WWC2: variants seen among roughly 807,000 people sequenced by gnomAD.
WWC2 encodes the protein protein WWC2.
In WWC2, 101 loss-of-function variants were observed where a neutral mutation model predicts 138.5. The observed-to-expected ratio is 0.73, with a 90% CI of 0.62 to 0.86. The LOEUF (loss-of-function observed/expected upper bound fraction) is 0.86, where lower values mean the gene tolerates loss of function less well. WWC2 is among the 40% of genes least tolerant of loss of function. The pLI, the probability that WWC2 is intolerant of heterozygous loss-of-function variation, is 0.00. For synonymous variants in WWC2, 558 were observed against 538.4 expected (o/e 1.04, Z -0.50); for missense variants, 1,420 against 1,419.4 (o/e 1.00, Z -0.01).
chr4:183,206,465 A>G (rs1348212734), intron 2 of WWC2, among the ~76,000 whole-genome samples: 1 of 152,178 alleles, frequency 6.6e-6, no homozygotes, highest in Non-Finnish European at 1.5e-5. Context: ...CATAGTTTTT[A>G]TGCCTTTGAA....
At chr4:183,289,969 A>G (rs1275468812) in intron 21 of WWC2, among the ~76,000 whole-genome samples, 3 of 152,034 alleles carry the variant, frequency 2.0e-5, no homozygotes, top group African/African-American at 7.2e-5. Flanking sequence ...CTCCATCTTA[A>G]CGTAAGACTT....
chr4:183,305,070 CA>C (rs1388953319), intron 21 of WWC2, among the ~76,000 whole-genome samples: 2 of 152,012 alleles, frequency 1.3e-5, no homozygotes, highest in African/African-American at 4.8e-5. Context: ...AAGCAAGAAT[CA>C]AAAAGAAGTC....
intron 11 of WWC2, among the ~76,000 whole-genome samples, chr4:183,262,275 G>A (rs1737352877): frequency 6.6e-6 from 1 of 152,154 alleles, no homozygotes; most frequent in Non-Finnish European, 1.5e-5. Context: ...GATCACTGTT[G>A]GTCTGAGGAG....
intron 8 of WWC2, among the ~76,000 whole-genome samples, chr4:183,250,995 A>G (rs930662578): frequency 6.6e-6 from 1 of 152,200 alleles, no homozygotes; most frequent in Non-Finnish European, 1.5e-5. Flanking sequence ...TCTTAATATT[A>G]CTTGGTTCCT....
chr4:183,204,861 C>T (rs750350338), intron 2 of WWC2, among the ~76,000 whole-genome samples: 1 of 152,212 alleles, frequency 6.6e-6, no homozygotes, highest in Non-Finnish European at 1.5e-5. Context: ...TGGAATCATA[C>T]AGCATGTGGT....
chr4:183,259,512 T>G, intron 9 of WWC2, 127 bp from the exon 10 acceptor site: 1 of 720,636 alleles, frequency 1.4e-6, no homozygotes, highest in East Asian at 2.8e-5. Flanking sequence ...TGTCCTGTTT[T>G]CTGTCTGTGG....
At chr4:183,119,722 A>G (rs1283485400) in intron 1 of WWC2, among the ~76,000 whole-genome samples, 1 of 152,204 alleles carries the variant, frequency 6.6e-6, no homozygotes, top group African/African-American at 2.4e-5. Flanking sequence ...ACTCCAAAAG[A>G]TATTCTGAGT....
At chr4:183,109,506 A>G (rs977092236) in intron 1 of WWC2, among the ~76,000 whole-genome samples, 1 of 152,144 alleles carries the variant, frequency 6.6e-6, no homozygotes, top group Non-Finnish European at 1.5e-5. Context: ...TCAGGCTGAA[A>G]CTGTTGGATC....
intron 21 of WWC2, among the ~76,000 whole-genome samples, chr4:183,294,620 T>C (rs1738570962): frequency 6.6e-6 from 1 of 152,238 alleles, no homozygotes; most frequent in South Asian, 2.1e-4. Flanking sequence ...GGCTCCTTCC[T>C]AGTCCCCAGC....
intron 1 of WWC2, among the ~76,000 whole-genome samples, chr4:183,159,485 G>A (rs112126589): frequency 6.6e-6 from 1 of 152,048 alleles, no homozygotes; most frequent in Admixed American, 6.6e-5. Context: ...GCTCACTGCA[G>A]ACTCGACTTC....
chr4:183,268,738 G>A (rs141541367), intron 14 of WWC2, among the ~76,000 whole-genome samples: 85 of 152,224 alleles, frequency 5.6e-4, no homozygotes, highest in Middle Eastern at 3.4e-3. Flanking sequence ...CTGCAGTCTC[G>A]TGGTGAGTGG....
chr4:183,174,795 C>T (rs1220959575), intron 1 of WWC2, among the ~76,000 whole-genome samples: 2 of 151,830 alleles, frequency 1.3e-5, no homozygotes, highest in African/African-American at 4.8e-5. Context: ...TCTCCTTCTC[C>T]TTTCTCTCTC....
chr4:183,139,307 G>A (rs1228699411), intron 1 of WWC2, among the ~76,000 whole-genome samples: 1 of 152,122 alleles, frequency 6.6e-6, no homozygotes, highest in Non-Finnish European at 1.5e-5. Flanking sequence ...TTCTACCTCT[G>A]TATGCTCAGA....
chr4:183,168,905 A>G (rs1561446046), intron 1 of WWC2, among the ~76,000 whole-genome samples: 1 of 152,014 alleles, frequency 6.6e-6, no homozygotes, highest in African/African-American at 2.4e-5. Context: ...CTGGAGTGCA[A>G]TGGCACGATC....
rs1441990832 is a variant in WWC2, at chr4:183,269,134, G to C, written c.2371G>C (p.Val791Leu). 1.2e-6 allele frequency: 2 copies of C among 1,612,206 alleles called. No homozygotes were observed. The highest frequency in any genetic ancestry group is 2.2e-5 in the East Asian group (1 of 44,866). Residue 791 changes from valine (V) to leucine (L), a missense_variant, in exon 15 of 23, where the codon GTC (valine) becomes CTC (leucine). Val to Leu is a conservative substitution (Grantham distance 32). Coordinates refer to ENST00000403733, the MANE Select transcript of WWC2 (RefSeq NM_024949.6). ...QKTLRVDLCS[V>L]SKHRREECLA... ...GACACTGAGGGTAGACCTTTGCTCTGTCAGTAAACACCGAAGGGAAGAATG... is the reference window on the plus strand; with the variant it reads ...GACACTGAGGGTAGACCTTTGCTCTCTCAGTAAACACCGAAGGGAAGAATG...
At chr4:183,245,959 G>A (rs1165051700) in intron 6 of WWC2, among the ~76,000 whole-genome samples, 1 of 152,204 alleles carries the variant, frequency 6.6e-6, no homozygotes, top group Non-Finnish European at 1.5e-5. Context: ...TTGGGGATGA[G>A]GCTATGTGAG....
At chr4:183,247,835 AAGTT>A (rs768727092) in intron 6 of WWC2, among the ~76,000 whole-genome samples, 3 of 142,816 alleles carry the variant, frequency 2.1e-5, no homozygotes, top group African/African-American at 5.1e-5. Flanking sequence ...AAAATAGAGA[AAGTT>A]AGGTAAAAAA....
At chr4:183,313,466 A>G (rs1014870239) in intron 22 of WWC2, among the ~76,000 whole-genome samples, 2 of 152,046 alleles carry the variant, frequency 1.3e-5, no homozygotes, top group African/African-American at 4.8e-5. Context: ...CTCGAGATGG[A>G]GAATGCTGGG....
intron 4 of WWC2, among the ~76,000 whole-genome samples, chr4:183,238,956 G>A (rs1736518200): frequency 1.3e-5 from 2 of 152,182 alleles, no homozygotes; most frequent in African/African-American, 4.8e-5. Flanking sequence ...TGTGGAATGA[G>A]TAAAATAAAT....
Sources: gnomAD v4.1 joint callset for allele counts (sites outside exome capture counted in the v4.1 genomes callset) on GRCh38, gnomAD v4.1.1 for gene constraint, MANE v1.5 for transcripts, NCBI Gene and HGNC (gene_info 2026-07-23, HGNC 2026-07-21) for gene names.